SIPA1L1: variants seen among roughly 807,000 people sequenced by gnomAD.
SIPA1L1 encodes the protein signal-induced proliferation-associated 1-like protein 1.
Under a neutral mutation model 162.7 loss-of-function variants are expected in SIPA1L1, and 26 were observed. The ratio of observed to expected loss-of-function variants is 0.16; its 90% CI spans 0.12 to 0.22. The LOEUF (loss-of-function observed/expected upper bound fraction) is 0.22. Ranked by LOEUF, SIPA1L1 falls within the 10% of genes least tolerant of loss-of-function variation. The pLI, the probability that SIPA1L1 is intolerant of heterozygous loss-of-function variation, is 1.00. For missense variants in SIPA1L1, 1,874 were observed against 2,241.0 expected (o/e 0.84, Z 3.31); for synonymous variants, 829 against 837.4 (o/e 0.99, Z 0.17).
rs937767606 is a variant in SIPA1L1 at position 71,580,005 on chromosome 14, C to T, written c.-302-7566C>T. On this transcript the variant is annotated intron_variant, in intron 4 of 23. Coordinates refer to ENST00000381232, the MANE Select transcript of SIPA1L1 (RefSeq NM_001386936.1). ...GTCACTGACAGTGACTGTCTCAAAT[C>T]GCCAATGTTAGCAGCCTGAAAATTT... Among the ~76,000 whole-genome samples the T allele has an allele frequency of 9.9e-5, 15 of 152,284 alleles. No homozygotes were observed. In the South Asian group the frequency reaches 2.9e-3, roughly 29 times the overall value.
At chr14:71,447,557 T>C (rs938255267) in intron 2 of SIPA1L1, among the ~76,000 whole-genome samples, 2 of 140,158 alleles carry the variant, frequency 1.4e-5, no homozygotes, top group African/African-American at 5.4e-5. Flanking sequence ...AAGCATGTAC[T>C]GTGGATTTTT....
At chr14:71,658,645 C>T (rs2043264103) in intron 9 of SIPA1L1, among the ~76,000 whole-genome samples, 1 of 152,140 alleles carries the variant, frequency 6.6e-6, no homozygotes, top group South Asian at 2.1e-4. Context: ...CAGCTGGATG[C>T]CTTTGTGAAT....
At position 71,564,490 on chromosome 14, in the gene SIPA1L1, C is replaced by CTTTTTTTTTTTTTTTTTTTTT. The variant is rs370431365; in HGVS notation, c.-302-23070_-302-23069insTTTTTTTTTTTTTTTTTTTTT. Among the ~76,000 whole-genome samples the CTTTTTTTTTTTTTTTTTTTTT allele has an allele frequency of 2.8e-4, 27 of 97,714 alleles. 4 individuals carry two copies. The highest frequency in any genetic ancestry group is 3.8e-4 in the Non-Finnish European group (20 of 52,142). The allele number at this position is 97,714 out of a possible 152,430, so 64.1% of individuals were successfully genotyped here. ...ACTTCTTATCCTCGGCATTTTCTTT[C>CTTTTTTTTTTTTTTTTTTTTT]TTTTTTTTTTTCCGAGACAGAGTCT... is the stretch of plus-strand genomic sequence containing the variant. On this transcript the variant is annotated intron_variant, in intron 4 of 23. Transcript: ENST00000381232.
chr14:71,686,322 G>A (rs1325766210), intron 13 of SIPA1L1, among the ~76,000 whole-genome samples: 1 of 152,170 alleles, frequency 6.6e-6, no homozygotes, highest in Non-Finnish European at 1.5e-5. Context: ...GGTTGCCCTA[G>A]CACTTTTGTC....
At chr14:71,670,777 G>T (rs2044436357) in intron 10 of SIPA1L1, among the ~76,000 whole-genome samples, 1 of 151,988 alleles carries the variant, frequency 6.6e-6, no homozygotes, top group South Asian at 2.1e-4. Flanking sequence ...CAGTTAGTAG[G>T]TATTTAAAAT....
At chr14:71,670,910 T>C (rs2044451492) in intron 10 of SIPA1L1, among the ~76,000 whole-genome samples, 1 of 152,158 alleles carries the variant, frequency 6.6e-6, no homozygotes, top group African/African-American at 2.4e-5. Context: ...GTTTTTGGCC[T>C]AGAAAAAAAA....
intron 5 of SIPA1L1, 140 bp downstream of exon 5, chr14:71,589,510 C>A: frequency 3.5e-6 from 2 of 573,636 alleles, no homozygotes; most frequent in Non-Finnish European, 5.9e-6. Context: ...AGCTAAATAA[C>A]CATTTGCTCA....
chr14:71,477,363 AAAAAC>A (rs951970750), intron 2 of SIPA1L1, among the ~76,000 whole-genome samples: 90 of 152,278 alleles, frequency 5.9e-4, no homozygotes, highest in East Asian at 3.3e-3. Context: ...TCTGTAAGAA[AAAAAC>A]AAAACAAAAC....
At chr14:71,541,509 C>G (rs1017131817) in intron 4 of SIPA1L1, among the ~76,000 whole-genome samples, 1 of 152,172 alleles carries the variant, frequency 6.6e-6, no homozygotes, top group African/African-American at 2.4e-5. Flanking sequence ...CCTATAATCC[C>G]CCAGCACTTT....
At chr14:71,723,039 G>A (rs1316206976) in intron 17 of SIPA1L1, among the ~76,000 whole-genome samples, 2 of 152,214 alleles carry the variant, frequency 1.3e-5, no homozygotes, top group African/African-American at 4.8e-5. Context: ...CCCAGCCCTA[G>A]TTTTGTAATC....
intron 2 of SIPA1L1, among the ~76,000 whole-genome samples, chr14:71,491,282 CTGAAGTTTAA>C (rs999052881): frequency 6.6e-5 from 10 of 152,278 alleles, no homozygotes; most frequent in Non-Finnish European, 1.5e-4. Flanking sequence ...GTTCAGTTCT[CTGAAGTTTAA>C]ATTACAGTTG....
chr14:71,498,292 A>G (rs1006141177), intron 2 of SIPA1L1, among the ~76,000 whole-genome samples: 11 of 152,236 alleles, frequency 7.2e-5, no homozygotes, highest in Non-Finnish European at 1.3e-4. Flanking sequence ...GAAGCTAGCA[A>G]TGACTATTGA....
intron 2 of SIPA1L1, among the ~76,000 whole-genome samples, chr14:71,423,872 A>C (rs1330682009): frequency 6.6e-6 from 1 of 152,126 alleles, no homozygotes; most frequent in Non-Finnish European, 1.5e-5. Context: ...TAGGGATTGT[A>C]TTACATCTGT....
At chr14:71,338,388 T>C (rs1018181998) in intron 2 of SIPA1L1, among the ~76,000 whole-genome samples, 28 of 152,114 alleles carry the variant, frequency 1.8e-4, no homozygotes, top group Admixed American at 3.3e-4. Context: ...AATACAGATA[T>C]TTGAGTAAAC....
chr14:71,578,903 A>G (rs1004137825), intron 4 of SIPA1L1, among the ~76,000 whole-genome samples: 1 of 152,190 alleles, frequency 6.6e-6, no homozygotes, highest in Non-Finnish European at 1.5e-5. Context: ...TGAAAAATAC[A>G]CCAGAACCAC....
At chr14:71,525,816 G>C (rs1029539012) in intron 3 of SIPA1L1, among the ~76,000 whole-genome samples, 1 of 152,198 alleles carries the variant, frequency 6.6e-6, no homozygotes, top group Non-Finnish European at 1.5e-5. Flanking sequence ...GTGTTTCTAA[G>C]CTGTTTGTGT....
chr14:71,635,235 C>T (rs1055161536), intron 7 of SIPA1L1, among the ~76,000 whole-genome samples: 11 of 149,516 alleles, frequency 7.4e-5, no homozygotes, highest in Non-Finnish European at 1.2e-4. Context: ...GCTGAGATCA[C>T]GCCATTGCAC....
intron 7 of SIPA1L1, among the ~76,000 whole-genome samples, chr14:71,629,595 T>C (rs1178586601): frequency 6.6e-6 from 1 of 152,240 alleles, no homozygotes; most frequent in Non-Finnish European, 1.5e-5. Flanking sequence ...TTTATAAATA[T>C]TTAAGGTACA....
intron 4 of SIPA1L1, among the ~76,000 whole-genome samples, chr14:71,558,917 C>T (rs1354803777): frequency 6.6e-6 from 1 of 152,160 alleles, no homozygotes; most frequent in African/African-American, 2.4e-5. Flanking sequence ...CTCCTGGCCT[C>T]AAGTGATCCT....
Sources: allele counts gnomAD v4.1 joint callset (sites outside exome capture counted in the v4.1 genomes callset), GRCh38; gene constraint gnomAD v4.1.1; transcripts MANE v1.5; gene names NCBI Gene and HGNC (gene_info 2026-07-23, HGNC 2026-07-21).